Variants in ZNF107 observed in about 807,000 individuals in gnomAD.
ZNF107 encodes the protein C2H2 type zinc-finger protein.
Under a neutral mutation model 12.3 loss-of-function variants are expected in ZNF107, and 19 were observed. The observed-to-expected ratio is 1.55, with a 90% CI of 1.08 to 2.27. ZNF107 has a LOEUF of 2.27. Among genes scored for constraint, ZNF107 ranks in the 30% most tolerant of loss-of-function variants. ZNF107 has a pLI of 0.00. For synonymous variants in ZNF107, 317 were observed against 330.5 expected (o/e 0.96, Z 0.44); for missense variants, 958 against 979.9 (o/e 0.98, Z 0.30).
At position 64,708,385 on chromosome 7, in the gene ZNF107, G is replaced by A; in HGVS notation, c.2288G>A (p.Cys763Tyr). ...KIHTGEKPYKCEECGKAFNQS... is the reference protein window; with the variant it reads ...KIHTGEKPYKYEECGKAFNQS... ...CATACTGGAGAGAAACCCTATAAAT[G>A]TGAAGAATGTGGCAAAGCTTTTAAC... The change falls in exon 4 of 4, where the codon TGT (cysteine) becomes TAT (tyrosine). Residue 763 changes from cysteine (C) to tyrosine (Y), a missense_variant. Cys to Tyr is a radical substitution (Grantham distance 194). Transcript: ENST00000620827. The A allele has an allele frequency of 6.2e-7, 1 of 1,613,050 alleles. No individual in the cohort carries two copies.
At chr7:64,676,188 A>G (rs927279988) in intron 1 of ZNF107, among the ~76,000 whole-genome samples, 4 of 152,104 alleles carry the variant, frequency 2.6e-5, no homozygotes, top group African/African-American at 7.2e-5. Flanking sequence ...TATGGTTTCA[A>G]GTGGTTTTCT....
At chr7:64,699,740 T>A (rs1790405046) in intron 3 of ZNF107, among the ~76,000 whole-genome samples, 1 of 152,158 alleles carries the variant, frequency 6.6e-6, no homozygotes, top group South Asian at 2.1e-4. Context: ...CTTGGTTTGA[T>A]TCCTAACAGA....
rs752639597 is a variant in ZNF107, at chr7:64,709,494, G to C, written c.*838G>C. On this transcript the variant is annotated 3_prime_UTR_variant, in exon 4 of 4. Transcript: ENST00000620827. ...GTGACAATAATTTTGACAACACCTC[G>C]AACTTTCTAACATAAATCATACTGG... The C allele has an allele frequency of 5.8e-6, 2 of 343,646 alleles. No homozygotes were observed. The highest frequency in any genetic ancestry group is 1.1e-5 in the Non-Finnish European group (2 of 179,326). The allele number at this position is 343,646 out of a possible 1,614,324, so 21.3% of individuals were successfully genotyped here.
At chr7:64,694,614 A>G (rs1390556917) in intron 3 of ZNF107, among the ~76,000 whole-genome samples, 2 of 151,766 alleles carry the variant, frequency 1.3e-5, no homozygotes, top group East Asian at 1.9e-4. Flanking sequence ...CAGTTCTTCA[A>G]CCTGAATATA....
intron 1 of ZNF107, chr7:64,684,721 A>T: frequency 1.0e-6 from 1 of 985,316 alleles, no homozygotes; most frequent in Non-Finnish European, 1.2e-6. Flanking sequence ...CTTAAACTGG[A>T]TAGATGATCT....
chr7:64,696,979 C>T (rs1790311091), intron 3 of ZNF107, among the ~76,000 whole-genome samples: 1 of 152,004 alleles, frequency 6.6e-6, no homozygotes, highest in Non-Finnish European at 1.5e-5. Context: ...GCCCCCACCC[C>T]ACAACAGTCC....
chr7:64,702,403 G>A (rs1041433709), intron 3 of ZNF107, among the ~76,000 whole-genome samples: 1 of 152,050 alleles, frequency 6.6e-6, no homozygotes. Flanking sequence ...CCAAAGTGCT[G>A]GGATTACAGG....
chr7:64,699,240 G>A (rs954311668), intron 3 of ZNF107, among the ~76,000 whole-genome samples: 6 of 152,094 alleles, frequency 3.9e-5, no homozygotes, highest in African/African-American at 1.4e-4. Flanking sequence ...ACCACTGTAT[G>A]TTATATTGAC....
intron 1 of ZNF107, among the ~76,000 whole-genome samples, chr7:64,688,110 C>A (rs1789987606): frequency 1.3e-5 from 2 of 152,180 alleles, no homozygotes; most frequent in African/African-American, 2.4e-5. Context: ...ACATACTTCA[C>A]AGGGCAGCAG....
At chr7:64,679,571 C>T (rs1424360677) in intron 1 of ZNF107, among the ~76,000 whole-genome samples, 1 of 152,128 alleles carries the variant, frequency 6.6e-6, no homozygotes, top group Non-Finnish European at 1.5e-5. Flanking sequence ...TTCTCTCTCC[C>T]TGTCTCTCTG....
Position 64,704,455 on chromosome 7 carries a change from A to G in ZNF107, c.227-1869A>G, listed in dbSNP as rs1400836173. 3.3e-5 allele frequency among the ~76,000 whole-genome samples: 5 copies of G among 152,048 alleles called. No individual in the cohort carries two copies. The South Asian group carries it at 1.0e-3, about 32-fold the overall frequency. On this transcript the variant is annotated intron_variant, in intron 3 of 3. Coordinates refer to ENST00000620827, the MANE Select transcript of ZNF107 (RefSeq NM_001282359.2). ...GAGACAGGGTTTCACCATGTTTGCCAGGATGGTCTCAATCTCTTGACCTTG... is the reference window on the plus strand; with the variant it reads ...GAGACAGGGTTTCACCATGTTTGCCGGGATGGTCTCAATCTCTTGACCTTG...
intron 3 of ZNF107, among the ~76,000 whole-genome samples, chr7:64,699,979 A>G (rs1336802763): frequency 7.0e-6 from 1 of 143,330 alleles, no homozygotes; most frequent in Non-Finnish European, 1.5e-5. Context: ...AGGCAAGAGA[A>G]TGGTGTGAAC....
intron 1 of ZNF107, among the ~76,000 whole-genome samples, chr7:64,679,615 C>A (rs1584468945): frequency 6.6e-6 from 1 of 152,104 alleles, no homozygotes; most frequent in Non-Finnish European, 1.5e-5. Flanking sequence ...TTATGGGCAC[C>A]CTTCCACCCT....
At chr7:64,677,368 T>C (rs1789453517) in intron 1 of ZNF107, among the ~76,000 whole-genome samples, 1 of 151,406 alleles carries the variant, frequency 6.6e-6, no homozygotes, top group African/African-American at 2.4e-5. Context: ...GACGGGGTTT[T>C]GCCATGTTGG....
intron 1 of ZNF107, among the ~76,000 whole-genome samples, chr7:64,689,091 T>A (rs1790028340): frequency 6.6e-6 from 1 of 152,174 alleles, no homozygotes; most frequent in Admixed American, 6.5e-5. Flanking sequence ...TCTCTACTTA[T>A]ATTCATGTAG....
At chr7:64,698,262 A>T (rs1048169110) in intron 3 of ZNF107, among the ~76,000 whole-genome samples, 3 of 151,476 alleles carry the variant, frequency 2.0e-5, no homozygotes, top group Non-Finnish European at 2.9e-5. Context: ...GAAGTAATTC[A>T]ACTTTATTGT....
At chr7:64,690,434 T>A (rs879928158) in intron 1 of ZNF107, 29 of 985,312 alleles carry the variant, frequency 2.9e-5, no homozygotes, top group Admixed American at 6.1e-5. Flanking sequence ...CTCACAGAAC[T>A]GATTAGAAGA....
chr7:64,705,391 T>C (rs1193267965), intron 3 of ZNF107, among the ~76,000 whole-genome samples: 1 of 152,082 alleles, frequency 6.6e-6, no homozygotes, highest in Non-Finnish European at 1.5e-5. Context: ...AATAGTTGTT[T>C]GTGTTCCTAT....
chr7:64,684,688 C>T lies in ZNF107; in HGVS notation c.4-6560C>T, dbSNP rs546690204. The T allele has an allele frequency of 4.9e-5, 48 of 985,414 alleles. No individual in the cohort carries two copies. The South Asian group carries it at 2.2e-3, about 44-fold the overall frequency. The allele number at this position is 985,414 out of a possible 1,614,324, so 61.0% of individuals were successfully genotyped here. A position where few individuals can be genotyped will look rare whatever the true frequency, so the allele number is the denominator to read the frequency against. On this transcript the variant is annotated intron_variant, in intron 1 of 3. Coordinates refer to ENST00000620827, the MANE Select transcript of ZNF107 (RefSeq NM_001282359.2). ...CCAAGACATCTCCTGGTTTCATCCC[C>T]AAACTCCCACCTTAGATTCTCTCTT... is the stretch of plus-strand genomic sequence containing the variant.
Sources: gnomAD v4.1 joint callset for allele counts (sites outside exome capture counted in the v4.1 genomes callset) on GRCh38, gnomAD v4.1.1 for gene constraint, MANE v1.5 for transcripts, NCBI Gene and HGNC (gene_info 2026-07-23, HGNC 2026-07-21) for gene names.